BRD1: variants seen among roughly 807,000 people sequenced by gnomAD.
BRD1 encodes bromodomain containing 1, also known as bromodomain-containing protein 1.
BRD1 carries 24 observed loss-of-function variants against 107.7 expected under a neutral mutation model. That is an observed-to-expected ratio of 0.22 (90% CI 0.16 to 0.31). BRD1 has a LOEUF of 0.31. Ranked by LOEUF, BRD1 falls within the 10% of genes least tolerant of loss-of-function variation. The pLI is 1.00. For synonymous variants in BRD1, 744 were observed against 686.1 expected (o/e 1.08, Z -1.32); for missense variants, 1,279 against 1,638.6 (o/e 0.78, Z 3.79).
chr22:49,806,421 C>T (rs2059745013), intron 2 of BRD1: 1 of 151,966 alleles, frequency 6.6e-6, no homozygotes, highest in Admixed American at 6.5e-5. Flanking sequence ...TGAGGGAGCT[C>T]ATGTGAGCAA....
chr22:49,783,500 G>A lies in BRD1; in HGVS notation c.2857+3890C>T, dbSNP rs953928314. Among the ~76,000 whole-genome samples, 1 of 152,190 alleles carries A rather than the reference G, an allele frequency of 6.6e-6. No individual in the cohort carries two copies. The highest frequency in any genetic ancestry group is 2.4e-5 in the African/African-American group (1 of 41,442). ...GCACAGACACAGCACAACGCGCCTG[G>A]GCATGGCCGTCACACCCAAACCACC... On this transcript the variant is annotated intron_variant, in intron 8 of 12. Coordinates refer to ENST00000404760, the MANE Select transcript of BRD1 (RefSeq NM_001304808.3). The surrounding 1 kb of genome is among the most constrained non-coding windows in gnomAD (Gnocchi z 4.2).
chr22:49,818,140 G>A (rs2059990355), intron 2 of BRD1: 1 of 874,402 alleles, frequency 1.1e-6, no homozygotes, highest in Non-Finnish European at 1.4e-6. Flanking sequence ...GTGAAGGCGG[G>A]AGGAGCACCC....
intron 2 of BRD1, among the ~76,000 whole-genome samples, chr22:49,814,369 A>G (rs2059910678): frequency 6.6e-6 from 1 of 152,168 alleles, no homozygotes; most frequent in Non-Finnish European, 1.5e-5. Context: ...GCCCACATCC[A>G]TCGCTCAGGA....
chr22:49,816,544 T>C (rs1005253898), intron 2 of BRD1, among the ~76,000 whole-genome samples: 8 of 152,118 alleles, frequency 5.3e-5, no homozygotes, highest in African/African-American at 1.7e-4. Context: ...CCAGAAAAAG[T>C]TCCAGAATAG....
At position 49,803,324 on chromosome 22, in the gene BRD1, G is replaced by A. The variant is rs1318396092; in HGVS notation, c.1524+880C>T. ...CACCACCTCACAGCAGAGCAGGATG[G>A]TTTCGCTTCGTGCCCAGGATGGCAG... On this transcript the variant is annotated intron_variant, in intron 3 of 12. Transcript: ENST00000404760. This position sits in a 1 kb window ranked among gnomAD's most constrained non-coding sequence, Gnocchi z 4.4. 6.6e-6 allele frequency among the ~76,000 whole-genome samples: 1 copy of A among 152,248 alleles called. No homozygotes were observed. Among genetic ancestry groups the A allele is most frequent in the Non-Finnish European group, 1.5e-5 (1 of 68,046 alleles).
chr22:49,782,679 G>A (rs1371087501), intron 8 of BRD1, among the ~76,000 whole-genome samples: 1 of 149,250 alleles, frequency 6.7e-6, no homozygotes, highest in African/African-American at 2.5e-5. Context: ...CAATGCAGCT[G>A]GGATGGTCAG....
chr22:49,825,703 G>A (rs11914096), intron 1 of BRD1: 12,721 of 152,318 alleles, frequency 0.084, 641 homozygotes, highest in South Asian at 0.17. Context: ...GGCCCAGGGG[G>A]ATCAGGGGCA....
intron 4 of BRD1, 105 bp downstream of exon 4, chr22:49,798,855 AGCCTGGGCTGAGCAAGGCACTGCTGTGG>A (rs2059586494): frequency 7.0e-7 from 1 of 1,436,922 alleles, no homozygotes; most frequent in Non-Finnish European, 9.2e-7. Flanking sequence ...CCAGGCACCC[AGCCTGGGCTGAGCAAGGCACTGCTGTGG>A]GCCAGGACCC....
intron 2 of BRD1, among the ~76,000 whole-genome samples, chr22:49,819,797 G>A (rs1369891862): frequency 6.6e-6 from 1 of 151,892 alleles, no homozygotes; most frequent in Non-Finnish European, 1.5e-5. Flanking sequence ...TTTAATCATA[G>A]TATATCAAAC....
intron 7 of BRD1, among the ~76,000 whole-genome samples, chr22:49,790,164 A>T (rs990897077): frequency 6.6e-6 from 1 of 152,110 alleles, no homozygotes; most frequent in African/African-American, 2.4e-5. Context: ...AGCCGGGACC[A>T]CACAGGCCCC....
chr22:49,779,543 A>G (rs1260291455), intron 8 of BRD1, among the ~76,000 whole-genome samples: 1 of 152,194 alleles, frequency 6.6e-6, no homozygotes, highest in Non-Finnish European at 1.5e-5. Flanking sequence ...ATTTTAAGGC[A>G]GGAACTGTGG....
At chr22:49,780,293 G>C (rs1457672385) in intron 8 of BRD1, among the ~76,000 whole-genome samples, 4 of 152,254 alleles carry the variant, frequency 2.6e-5, no homozygotes, top group Admixed American at 2.6e-4. Context: ...TTAATTCTCA[G>C]AAAGAGGAGA....
rs796752744 is a variant in BRD1 at position 49,787,306 on chromosome 22, C to G, written c.2857+84G>C. On this transcript the variant is annotated intron_variant, in intron 8 of 12. Coordinates refer to ENST00000404760, the MANE Select transcript of BRD1 (RefSeq NM_001304808.3). ...CAAAAACAGAAGCTGGACACCCCCC[C>G]CCCCCCGTCACACCAATGATCCTGA... 1.0e-4 allele frequency: 100 copies of G among 984,826 alleles called. 10 individuals carry two copies. The highest frequency in any genetic ancestry group is 1.1e-4 in the Non-Finnish European group (82 of 713,362). 61.0% of individuals were successfully genotyped at this position (984,826 alleles called of 1,614,324 possible).
chr22:49,796,753 C>T (rs905410912), intron 6 of BRD1, among the ~76,000 whole-genome samples: 2 of 152,226 alleles, frequency 1.3e-5, no homozygotes, highest in Non-Finnish European at 1.5e-5. Flanking sequence ...CCCAGCACTG[C>T]TGCCATGAGG....
chr22:49,793,055 G>A (rs980136789), intron 7 of BRD1, among the ~76,000 whole-genome samples: 1 of 152,204 alleles, frequency 6.6e-6, no homozygotes, highest in African/African-American at 2.4e-5. Flanking sequence ...ACTTGGATGT[G>A]CAGGGGAAGG....
rs1299783506 is a variant in BRD1 at position 49,784,195 on chromosome 22, G to A, written c.2857+3195C>T. On this transcript the variant is annotated intron_variant, in intron 8 of 12. Transcript: ENST00000404760. ...CAGCACATGCACACAGAGACTCGCA[G>A]CAGGGGTCTCCGCAACGGCGGTGAG... is the stretch of plus-strand genomic sequence containing the variant. Among the ~76,000 whole-genome samples, 4 of 147,908 alleles carry A rather than the reference G, an allele frequency of 2.7e-5. 1 individual carries two copies. The East Asian group carries it at 8.0e-4, about 30-fold the overall frequency.
rs2059034674 is a variant in BRD1 at position 49,774,092 on chromosome 22, GAAAT to G, written c.*137_*140del. Reference sequence around the variant, plus strand: ...CGGAGATGGGTTCCTAGAAAACTTGGAAATAAAACCTCCCCCCTCCCCGGGGAAA... The same window carrying G: ...CGGAGATGGGTTCCTAGAAAACTTGGAAAACCTCCCCCCTCCCCGGGGAAA... On this transcript the variant is annotated 3_prime_UTR_variant, in exon 13 of 13. Transcript: ENST00000404760. 1 of 1,229,744 alleles carries G rather than the reference GAAAT, an allele frequency of 8.1e-7. No homozygotes were observed. The highest frequency in any genetic ancestry group is 1.1e-6 in the Non-Finnish European group (1 of 910,972). 76.2% of individuals were successfully genotyped at this position (1,229,744 alleles called of 1,614,324 possible).
chr22:49,778,578 G>A (rs4823961), intron 8 of BRD1, among the ~76,000 whole-genome samples: 15,640 of 152,256 alleles, frequency 0.1, 1,092 homozygotes, highest in African/African-American at 0.18. Context: ...AAGGCCCCCC[G>A]ATGAGGTCCC....
intron 5 of BRD1, 59 bp from the exon 6 acceptor site, chr22:49,798,176 T>C (rs1314500770): frequency 6.9e-7 from 1 of 1,444,126 alleles, no homozygotes; most frequent in East Asian, 2.3e-5. Flanking sequence ...TAGTTGACTC[T>C]ATATTTATTA....
Sources: allele counts gnomAD v4.1 joint callset (sites outside exome capture counted in the v4.1 genomes callset), GRCh38; gene constraint gnomAD v4.1.1; non-coding constraint Gnocchi (gnomAD v3.1); transcripts MANE v1.5; gene names NCBI Gene and HGNC (gene_info 2026-07-23, HGNC 2026-07-21).